The following KIF13A variants were observed in gnomAD, a reference collection of about 807,000 sequenced individuals.
KIF13A encodes kinesin-like protein KIF13A.
In KIF13A, 79 loss-of-function variants were observed where a neutral mutation model predicts 212.2. That is an observed-to-expected ratio of 0.37 (90% CI 0.31 to 0.45). The LOEUF (loss-of-function observed/expected upper bound fraction) is 0.45, where lower values mean the gene tolerates loss of function less well. KIF13A is among the 20% of genes least tolerant of loss of function. The probability of loss-of-function intolerance (pLI) is 1.00; values close to 1 mark genes in which losing one functional copy is unlikely to be tolerated. For missense variants in KIF13A, 1,901 were observed against 2,209.0 expected, an observed-to-expected ratio of 0.86 and a Z score of 2.79; for synonymous variants, 789 against 808.6, an observed-to-expected ratio of 0.98 and a Z score of 0.41.
intron 2 of KIF13A, among the ~76,000 whole-genome samples, chr6:17,903,707 A>G (rs760798853): frequency 1.3e-5 from 2 of 152,210 alleles, no homozygotes; most frequent in Admixed American, 6.5e-5. Flanking sequence ...GGGAAGACTG[A>G]CAGGCAGGGA....
chr6:17,978,075 A>C lies in KIF13A; in HGVS notation c.146+8979T>G, dbSNP rs910936995. Among the ~76,000 whole-genome samples, 5 of 152,214 alleles carry C rather than the reference A, an allele frequency of 3.3e-5. No homozygotes were observed. In the East Asian group the frequency reaches 7.7e-4, roughly 23 times the overall value. ...AATTGTTAATCTCACAGTAACATGA[A>C]ATTAACACTGGATTCAATCAAATGA... On this transcript the variant is annotated intron_variant, in intron 2 of 38. Transcript: ENST00000259711.
rs145688106 is a variant in KIF13A at position 17,882,988 on chromosome 6, C to T, written c.160-9551G>A. On this transcript the variant is annotated intron_variant, in intron 3 of 38. Coordinates refer to ENST00000259711, the MANE Select transcript of KIF13A (RefSeq NM_022113.6). ...ATATACAATTCCCTTTGTTCTGCTA[C>T]AATATTAATTCTTAGAGGATAAAGC... 2.9e-4 allele frequency among the ~76,000 whole-genome samples: 44 copies of T among 152,318 alleles called. 1 individual carries two copies. The East Asian group carries it at 7.9e-3, about 27-fold the overall frequency.
At chr6:17,778,169 C>T (rs2150302426) in intron 33 of KIF13A, among the ~76,000 whole-genome samples, 1 of 152,162 alleles carries the variant, frequency 6.6e-6, no homozygotes, top group East Asian at 1.9e-4. Context: ...TAAATAAAAC[C>T]AGGAAAACAG....
intron 25 of KIF13A, among the ~76,000 whole-genome samples, chr6:17,793,840 G>A (rs1290348030): frequency 1.3e-5 from 2 of 151,984 alleles, no homozygotes; most frequent in African/African-American, 4.8e-5. Flanking sequence ...TTTGAGCCCA[G>A]GAGGTCAAGG....
chr6:17,761,687 ACT>A (rs199839831), downstream of KIF13A, among the ~76,000 whole-genome samples: 894 of 151,718 alleles, frequency 5.9e-3, 7 homozygotes, highest in African/African-American at 0.02. Context: ...TCCGCTAAAA[ACT>A]CTTTAAAGGA....
At chr6:17,865,313 T>TAG (rs1053991445) in intron 4 of KIF13A, among the ~76,000 whole-genome samples, 3 of 125,356 alleles carry the variant, frequency 2.4e-5, no homozygotes, top group Non-Finnish European at 5.0e-5. Context: ...GGAATCAGAG[T>TAG]AGAGAGAGAG....
chr6:17,810,985 G>A (rs7761748), intron 17 of KIF13A, among the ~76,000 whole-genome samples: 26,630 of 152,154 alleles, frequency 0.18, 2,607 homozygotes, highest in Admixed American at 0.27. Context: ...CTGGGGATTG[G>A]GGACCCCTGT....
At chr6:17,889,753 A>G (rs1413713408) in intron 3 of KIF13A, among the ~76,000 whole-genome samples, 6 of 152,168 alleles carry the variant, frequency 3.9e-5, no homozygotes, top group Non-Finnish European at 7.4e-5. Context: ...CTGACTGGCA[A>G]TCAGGAGGCC....
In KIF13A at chr6:17,771,232, GACACAC is replaced by G; in HGVS notation, c.4477-20_4477-15del. 6.3e-7 allele frequency: 1 copy of G among 1,578,300 alleles called. No homozygotes were observed. The highest frequency in any genetic ancestry group is 8.7e-7 in the Non-Finnish European group (1 of 1,150,246). ...TGGAGGCATGCTCTGCAAAGGTTAA[GACACAC>G]AGATGCATCACACACAAAGACGACA... On this transcript the variant is annotated splice_polypyrimidine_tract_variant and intron_variant, in intron 37 of 38. Transcript: ENST00000259711. The surrounding 1 kb of genome is among the most constrained non-coding windows in gnomAD (Gnocchi z 5.4).
intron 2 of KIF13A, among the ~76,000 whole-genome samples, chr6:17,946,195 G>C (rs1372742429): frequency 6.6e-6 from 1 of 152,034 alleles, no homozygotes; most frequent in African/African-American, 2.4e-5. Context: ...GGCTCAAAGC[G>C]ATCCTCCCAC....
chr6:17,774,347 T>A (rs1306927727), intron 35 of KIF13A, among the ~76,000 whole-genome samples: 1 of 152,230 alleles, frequency 6.6e-6, no homozygotes, highest in Admixed American at 6.5e-5. Flanking sequence ...ATTTTGATTA[T>A]GCTATGGTGG....
chr6:17,916,843 G>A (rs963191851), intron 2 of KIF13A, among the ~76,000 whole-genome samples: 4 of 152,130 alleles, frequency 2.6e-5, no homozygotes, highest in African/African-American at 9.7e-5. Context: ...ATATAACCCT[G>A]AGTATTATTG....
chr6:17,852,093 T>C (rs2150401216), intron 6 of KIF13A, 51 bp from the exon 7 acceptor site: 5 of 1,002,916 alleles, frequency 5.0e-6, no homozygotes, highest in South Asian at 2.2e-5. Context: ...AGCTGGAAGC[T>C]TTTCTTTCTC....
intron 3 of KIF13A, among the ~76,000 whole-genome samples, chr6:17,880,627 C>CAAAAAA (rs34817140): frequency 6.6e-4 from 46 of 69,322 alleles, no homozygotes; most frequent in African/African-American, 2.4e-3. Flanking sequence ...GACTCTGTCT[C>CAAAAAA]AAAAAAAAAA....
chr6:17,940,295 A>G (rs1776848838), intron 2 of KIF13A, among the ~76,000 whole-genome samples: 1 of 152,124 alleles, frequency 6.6e-6, no homozygotes, highest in Admixed American at 6.5e-5. Flanking sequence ...TATTAAGCGC[A>G]GATTCTTCGA....
At chr6:17,983,952 A>G (rs2150648861) in intron 2 of KIF13A, among the ~76,000 whole-genome samples, 1 of 152,272 alleles carries the variant, frequency 6.6e-6, no homozygotes, top group Admixed American at 6.5e-5. Flanking sequence ...AGACCACACA[A>G]ACACCACCTG....
chr6:17,763,049 G>A (rs566170664), downstream of KIF13A, among the ~76,000 whole-genome samples: 2 of 152,262 alleles, frequency 1.3e-5, no homozygotes, highest in South Asian at 4.1e-4. Flanking sequence ...AGCAAGTTGG[G>A]GGACCAAACA....
Position 17,855,398 on chromosome 6 carries a change from T to A in KIF13A, c.494+39A>T, listed in dbSNP as rs1322002689. The A allele has an allele frequency of 7.0e-7, 1 of 1,426,632 alleles. No homozygotes were observed. The allele number at this position is 1,426,632 out of a possible 1,614,324, so 88.4% of individuals were successfully genotyped here. ...AACTTTAGAATCATTTAAAATTATC[T>A]CCCCCTATTAACACACTTAATCTTG... On this transcript the variant is annotated intron_variant, in intron 6 of 38. Transcript: ENST00000259711. The surrounding 1 kb of genome is among the most constrained non-coding windows in gnomAD (Gnocchi z 4.1).
chr6:17,841,079 C>CCTT (rs1766454257), intron 9 of KIF13A, among the ~76,000 whole-genome samples: 1 of 137,454 alleles, frequency 7.3e-6, no homozygotes. Flanking sequence ...ACCCCTTTTC[C>CCTT]TTTTTTTTTT....
Sources: allele counts gnomAD v4.1 joint callset (sites outside exome capture counted in the v4.1 genomes callset), GRCh38; gene constraint gnomAD v4.1.1; non-coding constraint Gnocchi (gnomAD v3.1); transcripts MANE v1.5; gene names NCBI Gene and HGNC (gene_info 2026-07-23, HGNC 2026-07-21).